PDE4D: variants seen among roughly 807,000 people sequenced by gnomAD.
PDE4D encodes the protein phosphodiesterase 4D.
PDE4D carries 24 observed loss-of-function variants against 87.4 expected under a neutral mutation model. The ratio of observed to expected loss-of-function variants is 0.27; its 90% CI spans 0.20 to 0.39. The LOEUF (loss-of-function observed/expected upper bound fraction) is 0.39. PDE4D is among the 10% of genes least tolerant of loss of function. The pLI is 1.00. For synonymous variants in PDE4D, 384 were observed against 383.2 expected (o/e 1.00, Z -0.02); for missense variants, 714 against 1,041.0 (o/e 0.69, Z 4.32).
chr5:60,155,711 G>A (rs562502592), intron 2 of PDE4D, among the ~76,000 whole-genome samples: 1 of 152,222 alleles, frequency 6.6e-6, no homozygotes, highest in East Asian at 1.9e-4. Flanking sequence ...TAACTGCAGA[G>A]GTTCAGGTAG....
At chr5:59,159,002 A>G (rs1387490287) in intron 5 of PDE4D, among the ~76,000 whole-genome samples, 1 of 152,228 alleles carries the variant, frequency 6.6e-6, no homozygotes, top group Non-Finnish European at 1.5e-5. Context: ...CCCAATACAG[A>G]AAGTGTGACT....
chr5:60,134,995 T>C (rs1779917247), intron 2 of PDE4D, among the ~76,000 whole-genome samples: 1 of 152,076 alleles, frequency 6.6e-6, no homozygotes, highest in Admixed American at 6.6e-5. Flanking sequence ...ATTCTACTCC[T>C]CCTCCCTGAC....
At chr5:60,154,116 T>C (rs1184734759) in intron 2 of PDE4D, among the ~76,000 whole-genome samples, 4 of 152,220 alleles carry the variant, frequency 2.6e-5, no homozygotes, top group Non-Finnish European at 4.4e-5. Flanking sequence ...ATTTGGCATT[T>C]TAATAAGTGA....
intron 3 of PDE4D, among the ~76,000 whole-genome samples, chr5:59,935,042 G>C (rs1756413689): frequency 6.6e-6 from 1 of 152,094 alleles, no homozygotes; most frequent in Non-Finnish European, 1.5e-5. Context: ...AGATGGCTTG[G>C]GGCCTAACAG....
intron 1 of PDE4D, among the ~76,000 whole-genome samples, chr5:60,270,876 G>A (rs752506818): frequency 1.2e-4 from 18 of 151,922 alleles, no homozygotes; most frequent in East Asian, 5.8e-4. Context: ...ATTGAAATAC[G>A]TTCTTTCCAA....
At chr5:59,543,845 T>C (rs1281145840) in intron 1 of PDE4D, among the ~76,000 whole-genome samples, 1 of 152,038 alleles carries the variant, frequency 6.6e-6, no homozygotes, top group Admixed American at 6.5e-5. Flanking sequence ...AGAGAAAAAA[T>C]GCACTTGAAA....
intron 1 of PDE4D, among the ~76,000 whole-genome samples, chr5:59,427,450 A>G (rs1056900725): frequency 6.6e-6 from 1 of 151,860 alleles, no homozygotes; most frequent in Non-Finnish European, 1.5e-5. Flanking sequence ...AAGTAACAAC[A>G]ACCAAGACGT....
At chr5:60,283,708 T>TA (rs946501320) in intron 1 of PDE4D, among the ~76,000 whole-genome samples, 8 of 151,956 alleles carry the variant, frequency 5.3e-5, no homozygotes, top group Non-Finnish European at 1.0e-4. Context: ...AAAGAACACA[T>TA]AAAAAAATTG....
At chr5:59,578,228 G>T (rs540105008) in intron 1 of PDE4D, among the ~76,000 whole-genome samples, 3 of 152,150 alleles carry the variant, frequency 2.0e-5, no homozygotes, top group Admixed American at 1.3e-4. Context: ...TTATTTCAAG[G>T]CAGCACAGGA....
intron 1 of PDE4D, among the ~76,000 whole-genome samples, chr5:59,488,574 A>G (rs1483300401): frequency 6.6e-6 from 1 of 152,180 alleles, no homozygotes; most frequent in Non-Finnish European, 1.5e-5. Context: ...CTTAGCAAAC[A>G]GTTACTTAAA....
chr5:59,794,306 G>GTAAACA (rs1455091310), intron 1 of PDE4D, among the ~76,000 whole-genome samples: 1 of 152,222 alleles, frequency 6.6e-6, no homozygotes, highest in Admixed American at 6.5e-5. Flanking sequence ...AAGAAGATGA[G>GTAAACA]TCACACTGAG....
chr5:59,457,603 G>T (rs1486729951), intron 1 of PDE4D, among the ~76,000 whole-genome samples: 1 of 152,138 alleles, frequency 6.6e-6, no homozygotes, highest in Non-Finnish European at 1.5e-5. Flanking sequence ...TTTGCAGATG[G>T]TGCAAATGAG....
intron 2 of PDE4D, among the ~76,000 whole-genome samples, chr5:60,135,286 T>C (rs1468207295): frequency 6.6e-6 from 1 of 152,218 alleles, no homozygotes; most frequent in East Asian, 1.9e-4. Context: ...CCAGCCTCCA[T>C]AACTTTGGGA....
At chr5:59,168,265 C>G (rs964114283) in intron 5 of PDE4D, among the ~76,000 whole-genome samples, 5 of 152,164 alleles carry the variant, frequency 3.3e-5, no homozygotes, top group Admixed American at 6.5e-5. Flanking sequence ...GATTAATATT[C>G]CCAGTAGTTG....
chr5:59,594,105 T>C (rs1189773795), intron 1 of PDE4D, among the ~76,000 whole-genome samples: 2 of 150,848 alleles, frequency 1.3e-5, no homozygotes, highest in African/African-American at 2.4e-5. Flanking sequence ...AAGGAAATAC[T>C]CAATTCCAGC....
At chr5:60,256,944 C>T (rs1749116028) in intron 1 of PDE4D, among the ~76,000 whole-genome samples, 1 of 151,820 alleles carries the variant, frequency 6.6e-6, no homozygotes, top group Admixed American at 6.6e-5. Context: ...CACATGCACC[C>T]ACATGGTAAC....
chr5:60,151,325 A>G (rs1781480355), intron 2 of PDE4D, among the ~76,000 whole-genome samples: 1 of 152,186 alleles, frequency 6.6e-6, no homozygotes, highest in Non-Finnish European at 1.5e-5. Flanking sequence ...TTGAATTTTC[A>G]TAAGGATTGT....
intron 1 of PDE4D, among the ~76,000 whole-genome samples, chr5:60,320,058 T>G (rs1379399132): frequency 1.3e-5 from 2 of 152,222 alleles, no homozygotes; most frequent in African/African-American, 4.8e-5. Flanking sequence ...GCCTTTTGTT[T>G]GGCTATGCCC....
intron 5 of PDE4D, among the ~76,000 whole-genome samples, chr5:59,044,795 T>A (rs1760339528): frequency 6.6e-6 from 1 of 152,264 alleles, no homozygotes; most frequent in South Asian, 2.1e-4. Flanking sequence ...TCATAAAGCT[T>A]CCAAAGGAAA....
Sources: allele counts gnomAD v4.1 joint callset (sites outside exome capture counted in the v4.1 genomes callset), GRCh38; gene constraint gnomAD v4.1.1; transcripts MANE v1.5; gene names NCBI Gene and HGNC (gene_info 2026-07-23, HGNC 2026-07-21).